The following CSMD1 variants were observed in gnomAD, a reference collection of about 807,000 sequenced individuals.
The protein encoded by CSMD1 is CUB and Sushi multiple domains 1, also known as CUB and sushi domain-containing protein 1.
CSMD1 carries 213 observed loss-of-function variants against 417.5 expected under a neutral mutation model. The observed-to-expected ratio is 0.51, with a 90% CI of 0.46 to 0.57. The LOEUF is 0.57. CSMD1 is among the 20% of genes least tolerant of loss of function. The pLI, the probability that CSMD1 is intolerant of heterozygous loss-of-function variation, is 0.00. For synonymous variants in CSMD1, 2,862 were observed against 1,736.8 expected (o/e 1.65, Z -16.11); for missense variants, 6,923 against 4,529.7 (o/e 1.53, Z -15.17).
chr8:4,806,162 T>C (rs1424959643), intron 1 of CSMD1, among the ~76,000 whole-genome samples: 2 of 152,134 alleles, frequency 1.3e-5, no homozygotes, highest in East Asian at 1.9e-4. Flanking sequence ...GATAACTCAA[T>C]TGCATGTGAA....
chr8:3,262,187 ATATATATATATATATATATATATATATAT>A lies in CSMD1; in HGVS notation c.4153+21928_4153+21956del, dbSNP rs1801121942. Among the ~76,000 whole-genome samples the A allele has an allele frequency of 1.2e-3, 57 of 46,796 alleles. 1 individual carries two copies. The highest frequency in any genetic ancestry group is 4.7e-3 in the South Asian group (8 of 1,692). 30.7% of individuals were successfully genotyped at this position (46,796 alleles called of 152,430 possible). A position where few individuals can be genotyped will look rare whatever the true frequency, so the allele number is the denominator to read the frequency against. On this transcript the variant is annotated intron_variant, in intron 26 of 69. Coordinates refer to ENST00000635120, the MANE Select transcript of CSMD1 (RefSeq NM_033225.6). ...TTTCTAAAATTATGCTCATATGAAT[ATATATATATATATATATATATATATATAT>A]ATATATATATATATACACACACATA...
chr8:3,305,720 C>G (rs1384219533), intron 25 of CSMD1, among the ~76,000 whole-genome samples: 3 of 152,120 alleles, frequency 2.0e-5, no homozygotes, highest in Non-Finnish European at 4.4e-5. Flanking sequence ...CTCACTGTTG[C>G]CCAGGTTGGA....
At position 3,712,245 on chromosome 8, in the gene CSMD1, G is replaced by A. The variant is rs182801668; in HGVS notation, c.932-3754C>T. Among the ~76,000 whole-genome samples, 355 of 152,172 alleles carry A rather than the reference G, an allele frequency of 2.3e-3. 2 individuals are homozygous for A. Among genetic ancestry groups the A allele is most frequent in the African/African-American group, 7.8e-3 (325 of 41,518 alleles). On this transcript the variant is annotated intron_variant, in intron 6 of 69. Coordinates refer to ENST00000635120, the MANE Select transcript of CSMD1 (RefSeq NM_033225.6). ...TGACTTGTGGGTCCAGGGTCCACCC[G>A]GTGTCTGGACACTTCTCCCCACACG...
At chr8:3,603,753 C>T (rs1231142739) in intron 8 of CSMD1, among the ~76,000 whole-genome samples, 1 of 152,138 alleles carries the variant, frequency 6.6e-6, no homozygotes, top group Non-Finnish European at 1.5e-5. Flanking sequence ...TTGATTCTAA[C>T]TTTACAAATG....
chr8:3,467,611 G>T (rs1444262214), intron 12 of CSMD1, among the ~76,000 whole-genome samples: 1 of 152,126 alleles, frequency 6.6e-6, no homozygotes, highest in Non-Finnish European at 1.5e-5. Flanking sequence ...AGCAAGGAGG[G>T]ACCCTATTTT....
intron 5 of CSMD1, among the ~76,000 whole-genome samples, chr8:3,772,470 C>T (rs1466989576): frequency 2.6e-5 from 1 of 38,582 alleles, no homozygotes; most frequent in African/African-American, 1.1e-4. Flanking sequence ...CATATATACA[C>T]ATATATATAC....
At chr8:4,076,682 A>G (rs1162496681) in intron 3 of CSMD1, among the ~76,000 whole-genome samples, 1 of 152,182 alleles carries the variant, frequency 6.6e-6, no homozygotes, top group Non-Finnish European at 1.5e-5. Context: ...TCCAAACAAA[A>G]CATTTAGCCA....
intron 39 of CSMD1, among the ~76,000 whole-genome samples, chr8:3,157,002 A>G (rs1819577922): frequency 6.6e-6 from 1 of 151,276 alleles, no homozygotes; most frequent in Admixed American, 6.6e-5. Flanking sequence ...AAAAAAAAAA[A>G]AAAAAAGCAG....
chr8:4,142,968 G>C (rs1266950313), intron 3 of CSMD1, among the ~76,000 whole-genome samples: 1 of 147,586 alleles, frequency 6.8e-6, no homozygotes, highest in African/African-American at 2.6e-5. Flanking sequence ...GAAACTATCA[G>C]ATGCTTAGTT....
intron 1 of CSMD1, among the ~76,000 whole-genome samples, chr8:4,948,113 T>A (rs116207713): frequency 0.026 from 3,932 of 152,164 alleles, 75 homozygotes; most frequent in Middle Eastern, 0.092. Context: ...ATTTTCCAAA[T>A]GGTCGTATCA....
chr8:4,688,355 T>G (rs1273120344), intron 1 of CSMD1, among the ~76,000 whole-genome samples: 1 of 152,166 alleles, frequency 6.6e-6, no homozygotes, highest in Non-Finnish European at 1.5e-5. Context: ...AAGCTGTAAG[T>G]GCCCAAAATA....
At position 4,378,378 on chromosome 8, in the gene CSMD1, T is replaced by A. The variant is rs181127764; in HGVS notation, c.415+41575A>T. On this transcript the variant is annotated intron_variant, in intron 3 of 69. Transcript: ENST00000635120. ...TGGAACATAATCATGAGAAATTAGC[T>A]CACTCGTTTGCACGCAAGTTGGCTT... Among the ~76,000 whole-genome samples the A allele has an allele frequency of 1.2e-3, 183 of 152,364 alleles. 1 individual carries two copies. The highest frequency in any genetic ancestry group is 4.3e-3 in the African/African-American group (180 of 41,584).
Position 4,907,381 on chromosome 8 carries a change from G to C in CSMD1, c.85+86951C>G, listed in dbSNP as rs115822553. Among the ~76,000 whole-genome samples, 467 of 152,292 alleles carry C rather than the reference G, an allele frequency of 3.1e-3. 1 individual carries two copies. Among genetic ancestry groups the C allele is most frequent in the African/African-American group, 0.011 (446 of 41,554 alleles). ...GGGCTCCTAAATGAGAAGGTCCCTT[G>C]TTAAAATCCCTCAAGTATGAATTAC... On this transcript the variant is annotated intron_variant, in intron 1 of 69. Transcript: ENST00000635120.
intron 5 of CSMD1, among the ~76,000 whole-genome samples, chr8:3,996,494 C>T (rs571731291): frequency 3.3e-5 from 5 of 151,744 alleles, no homozygotes; most frequent in African/African-American, 9.7e-5. Context: ...TGTCTGAAGT[C>T]ATAAGGATTT....
chr8:4,283,889 T>C (rs1476231690), intron 3 of CSMD1, among the ~76,000 whole-genome samples: 2 of 152,188 alleles, frequency 1.3e-5, no homozygotes, highest in Non-Finnish European at 2.9e-5. Context: ...CCATGTCTTA[T>C]ACATACATTT....
intron 1 of CSMD1, among the ~76,000 whole-genome samples, chr8:4,656,506 C>T (rs1375992861): frequency 6.6e-6 from 1 of 151,882 alleles, no homozygotes; most frequent in Non-Finnish European, 1.5e-5. Flanking sequence ...AAAAATCCAT[C>T]TTGCAGGGAT....
chr8:3,966,183 G>A (rs1285557262), intron 5 of CSMD1, among the ~76,000 whole-genome samples: 1 of 152,118 alleles, frequency 6.6e-6, no homozygotes, highest in South Asian at 2.1e-4. Flanking sequence ...AAATGTCTAA[G>A]GTACCACGGT....
rs558586865 is a variant in CSMD1 at position 4,230,425 on chromosome 8, C to G, written c.415+189528G>C. Among the ~76,000 whole-genome samples, 48 of 152,230 alleles carry G rather than the reference C, an allele frequency of 3.2e-4. 2 individuals are homozygous for G. The South Asian group carries it at 9.1e-3, about 29-fold the overall frequency. ...ATCTTGTATATAATCCAAGGTCTAA[C>G]CTGTGACTTAACATATTTATTAAAT... On this transcript the variant is annotated intron_variant, in intron 3 of 69. Coordinates refer to ENST00000635120, the MANE Select transcript of CSMD1 (RefSeq NM_033225.6).
chr8:4,510,390 T>TAAAAAGAAAAA (rs1802751113), intron 2 of CSMD1, among the ~76,000 whole-genome samples: 1 of 54,618 alleles, frequency 1.8e-5, no homozygotes, highest in African/African-American at 7.7e-5. Flanking sequence ...GCATAATGCC[T>TAAAAAGAAAAA]AAAAAAAAAA....
Sources: allele counts gnomAD v4.1 joint callset (sites outside exome capture counted in the v4.1 genomes callset), GRCh38; gene constraint gnomAD v4.1.1; transcripts MANE v1.5; gene names NCBI Gene and HGNC (gene_info 2026-07-23, HGNC 2026-07-21).